The following SLC14A2 variants were observed in gnomAD, a reference collection of about 807,000 sequenced individuals.
SLC14A2 encodes urea transporter 2.
SLC14A2 carries 91 observed loss-of-function variants against 104.6 expected under a neutral mutation model. The observed-to-expected ratio is 0.87, with a 90% CI of 0.73 to 1.04. SLC14A2 has a LOEUF of 1.04. Ranked by LOEUF, SLC14A2 falls within the 50% of genes least tolerant of loss-of-function variation. The pLI, the probability that SLC14A2 is intolerant of heterozygous loss-of-function variation, is 0.00. For synonymous variants in SLC14A2, 476 were observed against 466.4 expected (o/e 1.02, Z -0.27); for missense variants, 1,189 against 1,156.0 (o/e 1.03, Z -0.41).
At chr18:45,170,580 A>G in the SLC14A2 span, among the ~76,000 whole-genome samples, 1 of 152,194 alleles carries the variant, frequency 6.6e-6, no homozygotes, top group Admixed American at 6.5e-5. Flanking sequence ...TTGTAGGTTA[A>G]AGTGTAGCTA....
intron 15 of SLC14A2, 41 bp from the exon 16 acceptor site, chr18:45,669,265 G>A: frequency 6.5e-7 from 1 of 1,549,254 alleles, no homozygotes; most frequent in Non-Finnish European, 8.8e-7. Context: ...GTTATGACCA[G>A]GCGGCTTCCT....
chr18:45,664,713 T>C lies in SLC14A2; in HGVS notation c.1474+806T>C, dbSNP rs544472028. 3.9e-5 allele frequency among the ~76,000 whole-genome samples: 6 copies of C among 152,306 alleles called. No individual in the cohort carries two copies. The South Asian group carries it at 1.2e-3, about 32-fold the overall frequency. ...AGCTCCCCCAAGTCTCATCATTTCA[T>C]ACCACAAGTCAGTTAGCCCAGAGAA... On this transcript the variant is annotated intron_variant, in intron 11 of 19. Transcript: ENST00000255226.
Position 45,639,868 on chromosome 18 carries a change from T to C in SLC14A2, c.966T>C (p.Ile322=), listed in dbSNP as rs1233981260. 1.2e-6 allele frequency: 2 copies of C among 1,613,692 alleles called. No individual in the cohort carries two copies. The highest frequency in any genetic ancestry group is 2.2e-5 in the South Asian group (2 of 91,066). ...SSPLICLHAA[I]GSIVGLLAAL... ...CACTCATCTGCTTGCATGCAGCCAT[T>C]GGCTCAATCGTGGGGCTGCTAGCAG... Residue 322 remains isoleucine (I), a synonymous_variant, in exon 7 of 20, where the codon ATT becomes ATC. Coordinates refer to ENST00000255226, the MANE Select transcript of SLC14A2 (RefSeq NM_007163.4).
chr18:45,349,067 C>A (rs1321027540), intron 1 of SLC14A2, among the ~76,000 whole-genome samples: 4 of 152,200 alleles, frequency 2.6e-5, no homozygotes, highest in Non-Finnish European at 5.9e-5. Flanking sequence ...TGACAGCCTG[C>A]GACAGTGTGT....
chr18:45,402,608 G>A lies in SLC14A2; in HGVS notation c.-124-80625G>A, dbSNP rs535018114. On this transcript the variant is annotated intron_variant, in intron 1 of 20. Transcript: ENST00000586448. ...AAATATCTATCCAGGAGACTAGAAGGAAAAGAATCATAAAATCATTGTGCC... is the reference window on the plus strand; with the variant it reads ...AAATATCTATCCAGGAGACTAGAAGAAAAAGAATCATAAAATCATTGTGCC... 1.1e-4 allele frequency among the ~76,000 whole-genome samples: 17 copies of A among 152,266 alleles called. No homozygotes were observed. In the South Asian group the frequency reaches 2.9e-3, roughly 26 times the overall value.
chr18:45,678,525 A>G (rs569906684), intron 18 of SLC14A2, among the ~76,000 whole-genome samples: 1 of 152,264 alleles, frequency 6.6e-6, no homozygotes, highest in East Asian at 1.9e-4. Flanking sequence ...CCTACACGAC[A>G]AGGCACTGGG....
chr18:45,406,169 C>T (rs1406145828), intron 1 of SLC14A2, among the ~76,000 whole-genome samples: 1 of 152,162 alleles, frequency 6.6e-6, no homozygotes, highest in African/African-American at 2.4e-5. Flanking sequence ...AAAACCCTGC[C>T]ACTGCTTTAT....
At chr18:45,182,646 A>G in the SLC14A2 span, among the ~76,000 whole-genome samples, 2 of 152,066 alleles carry the variant, frequency 1.3e-5, no homozygotes, top group Non-Finnish European at 2.9e-5. Flanking sequence ...AAACTATTAT[A>G]AAAAACAAGT....
chr18:45,417,939 C>G lies in SLC14A2; in HGVS notation c.-124-65294C>G, dbSNP rs941425274. On this transcript the variant is annotated intron_variant, in intron 1 of 20. Transcript: ENST00000586448. ...TCTAACACTCTTTTATAAGAGGAAC[C>G]TGTAGTCATTCCAATCAAATGAAGC... is the stretch of plus-strand genomic sequence containing the variant. 3.3e-5 allele frequency among the ~76,000 whole-genome samples: 5 copies of G among 152,106 alleles called. No homozygotes were observed. The East Asian group carries it at 9.6e-4, about 29-fold the overall frequency.
intron 1 of SLC14A2, among the ~76,000 whole-genome samples, chr18:45,225,345 G>A (rs12150822): frequency 0.11 from 17,166 of 151,984 alleles, 984 homozygotes; most frequent in Non-Finnish European, 0.12. Context: ...TGTTCCATTG[G>A]TCTATATCTC....
At chr18:45,483,850 A>T (rs1181574542) in intron 2 of SLC14A2, among the ~76,000 whole-genome samples, 1 of 152,212 alleles carries the variant, frequency 6.6e-6, no homozygotes, top group East Asian at 1.9e-4. Flanking sequence ...GTTGTTTGAC[A>T]AGCAGACCAG....
intron 1 of SLC14A2, among the ~76,000 whole-genome samples, chr18:45,426,308 G>A (rs2144534524): frequency 6.6e-6 from 1 of 152,214 alleles, no homozygotes. Flanking sequence ...TTGGAGCTAA[G>A]TTACAAAGCG....
chr18:45,666,251 C>A (rs759994730), intron 12 of SLC14A2, 32 bp downstream of exon 12: 39 of 1,452,896 alleles, frequency 2.7e-5, no homozygotes, highest in Non-Finnish European at 3.5e-5. Context: ...TCAGGGACAG[C>A]GCCCTACAGT....
chr18:45,345,136 C>T (rs547489975), intron 1 of SLC14A2, among the ~76,000 whole-genome samples: 1 of 152,110 alleles, frequency 6.6e-6, no homozygotes, highest in African/African-American at 2.4e-5. Context: ...TGCTTCATGT[C>T]AGTACCTTTC....
rs140639495 is a variant in SLC14A2, at chr18:45,599,729, G to T, written c.-34-24902G>T. On this transcript the variant is annotated intron_variant, in intron 2 of 20. Transcript: ENST00000586448. ...ACACTACTGATAAAGATATACCTGA[G>T]ACTGGGCAATTTACAAAAGAAAGAG... Among the ~76,000 whole-genome samples the T allele has an allele frequency of 3.3e-5, 5 of 152,326 alleles. No homozygotes were observed. The East Asian group carries it at 9.6e-4, about 29-fold the overall frequency.
chr18:45,682,584 T>C lies in SLC14A2; in HGVS notation c.*65T>C, dbSNP rs2144674476. The C allele has an allele frequency of 2.2e-6, 3 of 1,340,666 alleles. No individual in the cohort carries two copies. Among genetic ancestry groups the C allele is most frequent in the Middle Eastern group, 3.7e-4 (2 of 5,354 alleles). 83.0% of individuals were successfully genotyped at this position (1,340,666 alleles called of 1,614,324 possible). ...CAGCACGCCGTCCAGATCCCCAGGATAAGAGACCACTTAGCCTTCCCTTTG... is the reference window on the plus strand; with the variant it reads ...CAGCACGCCGTCCAGATCCCCAGGACAAGAGACCACTTAGCCTTCCCTTTG... On this transcript the variant is annotated 3_prime_UTR_variant, in exon 20 of 20. Transcript: ENST00000255226.
intron 1 of SLC14A2, among the ~76,000 whole-genome samples, chr18:45,349,006 A>G (rs1407828114): frequency 1.3e-5 from 2 of 152,192 alleles, no homozygotes; most frequent in Non-Finnish European, 2.9e-5. Context: ...TGTATCGGTG[A>G]TAAACCCGTT....
chr18:45,383,496 A>C lies in SLC14A2; in HGVS notation c.-124-99737A>C, dbSNP rs2085860590. On this transcript the variant is annotated intron_variant, in intron 1 of 20. Transcript: ENST00000586448. ...AGAGGCTGTTTAGATGGTCTTAGAG[A>C]TTACCCAGAGCAACCACTCACCAGT... is the stretch of plus-strand genomic sequence containing the variant. Among the ~76,000 whole-genome samples the C allele has an allele frequency of 2.6e-5, 4 of 152,304 alleles. No homozygotes were observed. The East Asian group carries it at 5.8e-4, about 22-fold the overall frequency.
At chr18:45,284,420 G>C (rs1373410582) in intron 1 of SLC14A2, among the ~76,000 whole-genome samples, 2 of 152,128 alleles carry the variant, frequency 1.3e-5, no homozygotes, top group Non-Finnish European at 2.9e-5. Flanking sequence ...CTCTGTGTTT[G>C]GCAATGTTTT....
Sources: allele counts gnomAD v4.1 joint callset (sites outside exome capture counted in the v4.1 genomes callset), GRCh38; gene constraint gnomAD v4.1.1; transcripts MANE v1.5; gene names NCBI Gene and HGNC (gene_info 2026-07-23, HGNC 2026-07-21).